STX8: variants seen among roughly 807,000 people sequenced by gnomAD.
STX8 encodes the protein syntaxin 8.
Under a neutral mutation model 37.5 loss-of-function variants are expected in STX8, and 23 were observed. The observed-to-expected ratio is 0.61, with a 90% confidence interval of 0.44 to 0.87. STX8 has a LOEUF of 0.87. Ranked by LOEUF, STX8 falls within the 40% of genes least tolerant of loss-of-function variation. The probability of loss-of-function intolerance (pLI) is 0.00; values close to 1 mark genes in which losing one functional copy is unlikely to be tolerated. For synonymous variants in STX8, 115 were observed against 99.1 expected, an observed-to-expected ratio of 1.16 and a Z score of -0.95; for missense variants, 313 against 284.7, an observed-to-expected ratio of 1.10 and a Z score of -0.71.
intron 6 of STX8, chr17:9,467,570 G>A (rs1952773782): frequency 6.6e-6 from 1 of 152,256 alleles, no homozygotes; most frequent in Admixed American, 6.5e-5. Context: ...CCTGGAGAAA[G>A]GCTCGCTTTG....
At chr17:9,285,733 T>C (rs555109769) in intron 7 of STX8, among the ~76,000 whole-genome samples, 7 of 152,330 alleles carry the variant, frequency 4.6e-5, no homozygotes, top group Admixed American at 6.5e-5. Context: ...GCCTGAAAAT[T>C]GCAAATGAAA....
intron 6 of STX8, among the ~76,000 whole-genome samples, chr17:9,420,166 G>C (rs1597660201): frequency 6.6e-6 from 1 of 152,318 alleles, no homozygotes; most frequent in East Asian, 1.9e-4. Context: ...CCATGGCACA[G>C]GGACCGCACT....
chr17:9,400,473 C>T (rs376552397), intron 6 of STX8, among the ~76,000 whole-genome samples: 3 of 150,020 alleles, frequency 2.0e-5, no homozygotes, highest in East Asian at 4.0e-4. Context: ...GGTGCAATCT[C>T]GGCTCACTGC....
At chr17:9,390,284 G>A (rs1433229439) in intron 6 of STX8, among the ~76,000 whole-genome samples, 1 of 152,162 alleles carries the variant, frequency 6.6e-6, no homozygotes, top group Admixed American at 6.5e-5. Context: ...CACTTTGGGA[G>A]GCTGAGGTGG....
intron 7 of STX8, among the ~76,000 whole-genome samples, chr17:9,363,952 C>T (rs546053037): frequency 3.2e-4 from 48 of 152,158 alleles, no homozygotes; most frequent in Non-Finnish European, 6.3e-4. Flanking sequence ...TTCAATTTGC[C>T]TGGATTAAGC....
At chr17:9,416,768 C>T (rs567456243) in intron 6 of STX8, among the ~76,000 whole-genome samples, 16 of 152,250 alleles carry the variant, frequency 1.1e-4, no homozygotes, top group African/African-American at 3.4e-4. Context: ...AATGAAATCC[C>T]ATGAGATTAG....
At chr17:9,515,522 T>C (rs182361635) in intron 4 of STX8, among the ~76,000 whole-genome samples, 2 of 151,780 alleles carry the variant, frequency 1.3e-5, no homozygotes, top group Non-Finnish European at 2.9e-5. Context: ...CATTCATTCA[T>C]TCATCCATTC....
chr17:9,323,659 G>A (rs1439122559), intron 7 of STX8, among the ~76,000 whole-genome samples: 1 of 152,066 alleles, frequency 6.6e-6, no homozygotes, highest in Non-Finnish European at 1.5e-5. Context: ...TACGCACACA[G>A]CACTGGAGAA....
chr17:9,558,504 G>A (rs1393591882), intron 2 of STX8, among the ~76,000 whole-genome samples: 2 of 152,152 alleles, frequency 1.3e-5, no homozygotes, highest in Non-Finnish European at 2.9e-5. Flanking sequence ...ACAATGTTGT[G>A]GGGAAACACC....
At chr17:9,489,453 G>A (rs1037573912) in intron 6 of STX8, among the ~76,000 whole-genome samples, 3 of 151,966 alleles carry the variant, frequency 2.0e-5, no homozygotes, top group Admixed American at 6.6e-5. Context: ...ACAAAGAAAC[G>A]GTGCTTTCAT....
At chr17:9,336,896 G>C (rs1354280964) in intron 7 of STX8, among the ~76,000 whole-genome samples, 1 of 152,228 alleles carries the variant, frequency 6.6e-6, no homozygotes, top group African/African-American at 2.4e-5. Flanking sequence ...GCCACAGCCA[G>C]AAGTGGGTGC....
chr17:9,394,187 G>A (rs894757166), intron 6 of STX8, among the ~76,000 whole-genome samples: 7 of 152,120 alleles, frequency 4.6e-5, no homozygotes, highest in Non-Finnish European at 8.8e-5. Flanking sequence ...AATTTGCCAT[G>A]TCTACTGGAT....
At chr17:9,545,359 A>C in intron 3 of STX8, 77 bp from the exon 4 acceptor site, 1 of 1,096,220 alleles carries the variant, frequency 9.1e-7, no homozygotes, top group Non-Finnish European at 1.4e-6. Context: ...TTAGCTCTTC[A>C]AGTCAGTTGT....
chr17:9,291,175 C>T (rs1033194839), intron 7 of STX8, among the ~76,000 whole-genome samples: 1 of 152,070 alleles, frequency 6.6e-6, no homozygotes, highest in Non-Finnish European at 1.5e-5. Context: ...TTTGGCTGGG[C>T]GCAGTGGCTC....
chr17:9,324,808 C>T (rs866102180), intron 7 of STX8, among the ~76,000 whole-genome samples: 37 of 150,462 alleles, frequency 2.5e-4, no homozygotes, highest in African/African-American at 8.1e-4. Flanking sequence ...GGGTCAGCAT[C>T]ACAGCTCCAC....
rs1298787410 is a variant in STX8, at chr17:9,546,590, GGTTTTTTTT to G, written c.213-1317_213-1309del. The stretch of plus-strand genomic sequence containing the variant: ...CTTTCTTGATGCAAACTACAAAAGT[GGTTTTTTTT>G]TTTTTTTTTTTTTTTTGGAGACGGA... On this transcript the variant is annotated intron_variant, in intron 3 of 7. Coordinates refer to ENST00000306357, the MANE Select transcript of STX8 (RefSeq NM_004853.3). 7.1e-4 allele frequency among the ~76,000 whole-genome samples: 44 copies of G among 62,246 alleles called. 1 individual carries two copies. Among genetic ancestry groups the G allele is most frequent in the South Asian group, 5.4e-3 (8 of 1,478 alleles). The allele number at this position is 62,246 out of a possible 152,430, so 40.8% of individuals were successfully genotyped here.
At chr17:9,272,456 C>G (rs1172481849) in intron 7 of STX8, among the ~76,000 whole-genome samples, 1 of 152,294 alleles carries the variant, frequency 6.6e-6, no homozygotes, top group East Asian at 1.9e-4. Context: ...GGGTCCCAAC[C>G]TTGGATAACA....
At chr17:9,476,479 G>A (rs536942633) in intron 6 of STX8, among the ~76,000 whole-genome samples, 1 of 150,344 alleles carries the variant, frequency 6.7e-6, no homozygotes, top group South Asian at 2.1e-4. Context: ...TTGAGATAGA[G>A]TCTCGTTCTG....
chr17:9,312,599 C>G (rs140244247), intron 7 of STX8, among the ~76,000 whole-genome samples: 1 of 152,302 alleles, frequency 6.6e-6, no homozygotes, highest in Non-Finnish European at 1.5e-5. Flanking sequence ...TGAATACTCA[C>G]TGAGTTGAGG....
Sources: allele counts gnomAD v4.1 joint callset (sites outside exome capture counted in the v4.1 genomes callset), GRCh38; gene constraint gnomAD v4.1.1; transcripts MANE v1.5; gene names NCBI Gene and HGNC (gene_info 2026-07-23, HGNC 2026-07-21).